ELAPOR2: variants seen among roughly 807,000 people sequenced by gnomAD.
The protein encoded by ELAPOR2 is endosome/lysosome-associated apoptosis and autophagy regulator family member 2.
A neutral mutation model predicts 120.7 loss-of-function variants in ELAPOR2; 89 were observed. That is an observed-to-expected ratio of 0.74 (90% confidence interval 0.62 to 0.88). The LOEUF (loss-of-function observed/expected upper bound fraction) is 0.88. Ranked by LOEUF, ELAPOR2 falls within the 40% of genes least tolerant of loss-of-function variation. ELAPOR2 has a pLI of 0.00. For missense variants in ELAPOR2, 1,134 were observed against 1,251.6 expected, an observed-to-expected ratio of 0.91 and a Z score of 1.42; for synonymous variants, 444 against 444.9, an observed-to-expected ratio of 1.00 and a Z score of 0.03.
At chr7:86,883,998 T>A (rs1584300017) in intron 21 of ELAPOR2, among the ~76,000 whole-genome samples, 1 of 152,122 alleles carries the variant, frequency 6.6e-6, no homozygotes, top group Admixed American at 6.6e-5. Flanking sequence ...GAAAAGAATA[T>A]GGGTTGATGA....
At chr7:86,947,960 T>TA in intron 2 of ELAPOR2, 38 bp from the exon 3 acceptor site, 1 of 1,398,624 alleles carries the variant, frequency 7.1e-7, no homozygotes, top group Non-Finnish European at 9.8e-7. Flanking sequence ...TTACTTACCC[T>TA]CCCATCAATT....
intron 1 of ELAPOR2, among the ~76,000 whole-genome samples, chr7:86,972,377 T>C (rs1226390823): frequency 6.6e-6 from 1 of 152,116 alleles, no homozygotes; most frequent in East Asian, 1.9e-4. Flanking sequence ...TTCTCAGGAA[T>C]GCAACTTCCT....
At chr7:87,034,552 G>GCACTTTC (rs1218336951) in intron 1 of ELAPOR2, among the ~76,000 whole-genome samples, 2 of 151,674 alleles carry the variant, frequency 1.3e-5, no homozygotes, top group African/African-American at 4.8e-5. Flanking sequence ...AGATAGGGAA[G>GCACTTTC]CACTTTCCTA....
intron 1 of ELAPOR2, among the ~76,000 whole-genome samples, chr7:86,972,096 T>C (rs771860487): frequency 2.0e-5 from 3 of 152,126 alleles, no homozygotes; most frequent in African/African-American, 4.8e-5. Context: ...CCATTTCTTA[T>C]TGTCAGTGCC....
chr7:86,989,114 G>A (rs1217778419), intron 1 of ELAPOR2, among the ~76,000 whole-genome samples: 1 of 152,062 alleles, frequency 6.6e-6, no homozygotes, highest in Non-Finnish European at 1.5e-5. Flanking sequence ...ACAAACACAT[G>A]AAGACTAACC....
At chr7:86,890,760 C>T (rs1788112021) in intron 21 of ELAPOR2, among the ~76,000 whole-genome samples, 1 of 151,976 alleles carries the variant, frequency 6.6e-6, no homozygotes, top group Non-Finnish European at 1.5e-5. Flanking sequence ...CTTACATCTT[C>T]ATATTAATAA....
intron 1 of ELAPOR2, among the ~76,000 whole-genome samples, chr7:87,039,860 G>A (rs527616604): frequency 1.8e-4 from 27 of 152,138 alleles, no homozygotes; most frequent in Admixed American, 5.9e-4. Context: ...CTGAGGTACC[G>A]GGTTCATCTC....
chr7:86,956,218 G>A (rs1458853768), intron 2 of ELAPOR2, among the ~76,000 whole-genome samples: 1 of 152,056 alleles, frequency 6.6e-6, no homozygotes, highest in Non-Finnish European at 1.5e-5. Flanking sequence ...GAAGTTGTAG[G>A]ACACATGGAT....
In ELAPOR2 at chr7:86,913,185, T is replaced by G. The variant is rs1273982362; in HGVS notation, c.1751A>C (p.Asp584Ala). The G allele has an allele frequency of 2.7e-5, 43 of 1,613,816 alleles. No homozygotes were observed. In the Admixed American group the frequency reaches 6.5e-4, roughly 24 times the overall value. The stretch of plus-strand genomic sequence containing the variant: ...TGTGATAGAATAAATCTTCACCATG[T>G]CATTGATGAACCGTCTATTCTAAAA... ...QGQDNRRFIN[D>A]MVKIYSITAT... is the part of the protein sequence containing the mutation. Residue 584 changes from aspartate (D) to alanine (A), a missense_variant, in exon 14 of 22, where the codon GAC becomes GCC. This residue lies in a region of ELAPOR2 where 831 missense variants were observed against 867.6 expected (regional missense o/e 0.96). Coordinates refer to ENST00000450689, the MANE Select transcript of ELAPOR2 (RefSeq NM_001142749.3).
At chr7:86,962,691 A>C (rs901175879) in intron 2 of ELAPOR2, among the ~76,000 whole-genome samples, 1 of 152,200 alleles carries the variant, frequency 6.6e-6, no homozygotes, top group African/African-American at 2.4e-5. Flanking sequence ...AATAAAATGG[A>C]AACACTGATC....
intron 12 of ELAPOR2, among the ~76,000 whole-genome samples, chr7:86,916,528 G>T (rs956415655): frequency 1.3e-5 from 2 of 152,104 alleles, no homozygotes; most frequent in African/African-American, 4.8e-5. Context: ...CCATAAAGAC[G>T]CCATGTTACA....
At position 86,891,858 on chromosome 7, in the gene ELAPOR2, T is replaced by C. The variant is rs747387104; in HGVS notation, c.2896A>G (p.Thr966Ala). The change falls in exon 21 of 22, where the codon ACG (threonine) becomes GCG (alanine). Residue 966 changes from threonine to alanine, a missense_variant. Transcript: ENST00000450689. ...LEYKYSKLVM[T>A]TNSKECELPA... Reference sequence around the variant, plus strand: ...AGTTCACACTCTTTTGAGTTAGTCGTCATTACTAACTTGGAATATTTGTAT... The same window carrying C: ...AGTTCACACTCTTTTGAGTTAGTCGCCATTACTAACTTGGAATATTTGTAT... 5.0e-6 allele frequency: 8 copies of C among 1,608,998 alleles called. No individual in the cohort carries two copies. The highest frequency in any genetic ancestry group is 5.9e-6 in the Non-Finnish European group (7 of 1,177,058).
intron 1 of ELAPOR2, among the ~76,000 whole-genome samples, chr7:86,991,471 C>T (rs1635036): frequency 0.38 from 57,532 of 151,854 alleles, 11,746 homozygotes; most frequent in African/African-American, 0.53. Flanking sequence ...GTGATATTAC[C>T]ATCATAGATG....
chr7:86,997,563 G>T (rs895979471), intron 1 of ELAPOR2, among the ~76,000 whole-genome samples: 3 of 152,104 alleles, frequency 2.0e-5, no homozygotes, highest in Non-Finnish European at 2.9e-5. Flanking sequence ...AATTCAACTG[G>T]CATGGGAAGA....
At position 86,907,685 on chromosome 7, in the gene ELAPOR2, A is replaced by T. The variant is rs1723318751; in HGVS notation, c.2543T>A (p.Val848Glu). 1 of 1,571,666 alleles carries T rather than the reference A, an allele frequency of 6.4e-7. No homozygotes were observed. Among genetic ancestry groups the T allele is most frequent in the Non-Finnish European group, 8.6e-7 (1 of 1,165,162 alleles). ...ATAAGGATACCTGGGGACTGAAATC[A>T]CTCCTGCTCCAGATTTAGTAGGATT... ...RCNPTKSGAGVISVPSKCPAG... is the reference protein window; with the variant it reads ...RCNPTKSGAGEISVPSKCPAG... Residue 848 changes from valine to glutamate, a missense_variant, in exon 18 of 22, where the codon GTG becomes GAG. By Grantham distance (121) the Val-to-Glu change is moderately radical (BLOSUM62 -2). This residue lies in a region of ELAPOR2 where 831 missense variants were observed against 867.6 expected (regional missense o/e 0.96). Transcript: ENST00000450689.
intron 21 of ELAPOR2, among the ~76,000 whole-genome samples, chr7:86,886,070 T>C (rs1262579286): frequency 6.6e-6 from 1 of 152,078 alleles, no homozygotes; most frequent in African/African-American, 2.4e-5. Flanking sequence ...AAGTCAGAAG[T>C]CTCCATATCA....
chr7:86,886,248 C>T (rs1479804963), intron 21 of ELAPOR2, among the ~76,000 whole-genome samples: 2 of 152,148 alleles, frequency 1.3e-5, no homozygotes. Context: ...CTTTACTTGA[C>T]TCTGCTATTG....
intron 1 of ELAPOR2, among the ~76,000 whole-genome samples, chr7:87,026,621 T>C (rs1395801470): frequency 6.6e-6 from 1 of 152,088 alleles, no homozygotes; most frequent in Non-Finnish European, 1.5e-5. Flanking sequence ...AGATCTTGTA[T>C]TCTGCCGTAA....
chr7:86,881,016 G>A (rs1799373236), intron 21 of ELAPOR2, among the ~76,000 whole-genome samples: 1 of 152,012 alleles, frequency 6.6e-6, no homozygotes, highest in Admixed American at 6.6e-5. Flanking sequence ...TATGTTTTAG[G>A]AAAATCTTTT....
Sources: allele counts gnomAD v4.1 joint callset (sites outside exome capture counted in the v4.1 genomes callset), GRCh38; gene constraint gnomAD v4.1.1; regional missense constraint gnomAD v4.1.1; transcripts MANE v1.5; gene names NCBI Gene and HGNC (gene_info 2026-07-23, HGNC 2026-07-21).